The following SRGAP3 variants were observed in gnomAD, a reference collection of about 807,000 sequenced individuals.
SRGAP3 encodes SLIT-ROBO Rho GTPase activating protein 3, also known as SLIT-ROBO Rho GTPase-activating protein 3.
Under a neutral mutation model 121.1 loss-of-function variants are expected in SRGAP3, and 39 were observed. The ratio of observed to expected loss-of-function variants is 0.32; its 90% CI spans 0.25 to 0.42. The LOEUF (loss-of-function observed/expected upper bound fraction) is 0.42. Ranked by LOEUF, SRGAP3 falls within the 10% of genes least tolerant of loss-of-function variation. The probability of loss-of-function intolerance (pLI) is 1.00; values close to 1 mark genes in which losing one functional copy is unlikely to be tolerated. For missense variants in SRGAP3, 1,213 were observed against 1,470.6 expected (o/e 0.82, Z 2.86); for synonymous variants, 601 against 570.0 (o/e 1.05, Z -0.77).
chr3:9,256,482 T>C (rs1478830255), intron 3 of SRGAP3, among the ~76,000 whole-genome samples: 1 of 151,434 alleles, frequency 6.6e-6, no homozygotes, highest in Non-Finnish European at 1.5e-5. Flanking sequence ...TAGCTGGCCC[T>C]GTGGATATGC....
At chr3:9,054,974 T>C (rs1443797373) in intron 8 of SRGAP3, among the ~76,000 whole-genome samples, 1 of 152,234 alleles carries the variant, frequency 6.6e-6, no homozygotes, top group Non-Finnish European at 1.5e-5. Context: ...GGCTTCATTC[T>C]CCTTTCTTTG....
In SRGAP3 at chr3:9,032,658, A is replaced by G. The variant is rs76840093; in HGVS notation, c.1531T>C (p.Phe511Leu). Reference sequence around the variant, plus strand: ...GGCTCCCCAGCAAGTACCTTAATGAATGCTTCCATACTGCCGTTAAAGAGT... The same window carrying G: ...GGCTCCCCAGCAAGTACCTTAATGAGTGCTTCCATACTGCCGTTAAAGAGT... ...HKLFNGSMEA[F>L]IKDSGQAIPL... The change falls in exon 12 of 22, where the codon TTC (phenylalanine) becomes CTC (leucine). Residue 511 changes from phenylalanine to leucine, a missense_variant. Phe to Leu is a conservative substitution (Grantham distance 22, BLOSUM62 0). Around this residue, in one of 2 missense-constraint regions of SRGAP3, gnomAD observed 793 missense variants for 1,032.9 expected, o/e 0.77. Coordinates refer to ENST00000383836, the MANE Select transcript of SRGAP3 (RefSeq NM_014850.4). The G allele has an allele frequency of 4.4e-3, 7,110 of 1,613,056 alleles. 16 individuals are homozygous for G. The highest frequency in any genetic ancestry group is 5.6e-3 in the Non-Finnish European group (6,612 of 1,179,494).
chr3:9,348,569 C>T, intron 1 of SRGAP3: 1 of 804,934 alleles, frequency 1.2e-6, no homozygotes. Context: ...GTGTGGCAGG[C>T]AGGTGCTGTG....
intron 1 of SRGAP3, among the ~76,000 whole-genome samples, chr3:9,226,763 A>G (rs1953000425): frequency 6.6e-6 from 1 of 152,150 alleles, no homozygotes; most frequent in Admixed American, 6.5e-5. Flanking sequence ...CCATCCATTC[A>G]CAGCTACAAA....
intron 1 of SRGAP3, among the ~76,000 whole-genome samples, chr3:9,125,943 C>T (rs1282651360): frequency 6.6e-6 from 1 of 152,220 alleles, no homozygotes; most frequent in South Asian, 2.1e-4. Flanking sequence ...AATGGACTCT[C>T]CAAACCATTC....
At chr3:9,048,795 T>G (rs1480836379) in intron 9 of SRGAP3, among the ~76,000 whole-genome samples, 1 of 152,068 alleles carries the variant, frequency 6.6e-6, no homozygotes, top group Non-Finnish European at 1.5e-5. Context: ...CTGCACTCCA[T>G]CCTAAGCAAC....
intron 1 of SRGAP3, among the ~76,000 whole-genome samples, chr3:9,241,208 G>A (rs1953623929): frequency 6.6e-6 from 1 of 151,848 alleles, no homozygotes; most frequent in Admixed American, 6.6e-5. Flanking sequence ...CACAAAATTA[G>A]ATACTCCATA....
At chr3:9,167,431 C>T (rs1190335837) in intron 1 of SRGAP3, among the ~76,000 whole-genome samples, 1 of 151,476 alleles carries the variant, frequency 6.6e-6, no homozygotes, top group Non-Finnish European at 1.5e-5. Context: ...CTCTTCTCTA[C>T]CTATGTTCCC....
chr3:9,253,301 T>G (rs1443910699), upstream of SRGAP3, among the ~76,000 whole-genome samples: 1 of 152,160 alleles, frequency 6.6e-6, no homozygotes, highest in Non-Finnish European at 1.5e-5. Flanking sequence ...TAATAACCCA[T>G]TTTTTCATTC....
At chr3:9,328,928 C>A (rs1176380481) in intron 2 of SRGAP3, among the ~76,000 whole-genome samples, 1 of 152,026 alleles carries the variant, frequency 6.6e-6, no homozygotes, top group African/African-American at 2.4e-5. Context: ...AGGCGGAGAC[C>A]AAGAGAAAGT....
chr3:9,347,679 T>C (rs1413885595), intron 1 of SRGAP3, among the ~76,000 whole-genome samples: 1 of 152,244 alleles, frequency 6.6e-6, no homozygotes, highest in African/African-American at 2.4e-5. Context: ...ATCTGTACAA[T>C]TGATTCTGGT....
intron 1 of SRGAP3, among the ~76,000 whole-genome samples, chr3:9,145,601 T>C (rs1352482627): frequency 6.6e-6 from 1 of 152,204 alleles, no homozygotes; most frequent in African/African-American, 2.4e-5. Context: ...AGGAAAAGAA[T>C]GTACAACCCT....
intron 3 of SRGAP3, among the ~76,000 whole-genome samples, chr3:9,312,515 A>G (rs1955264266): frequency 6.6e-6 from 1 of 152,232 alleles, no homozygotes; most frequent in Admixed American, 6.5e-5. Flanking sequence ...GTCTAGCCAC[A>G]TGCTCAGGCC....
At chr3:9,060,159 C>A in intron 6 of SRGAP3, 72 bp downstream of exon 6, 1 of 1,610,296 alleles carries the variant, frequency 6.2e-7, no homozygotes, top group Non-Finnish European at 8.5e-7. Flanking sequence ...AGACCAGCCC[C>A]TCCTTCAGCC....
At chr3:8,987,668 A>C (rs1291312338) in intron 21 of SRGAP3, among the ~76,000 whole-genome samples, 4 of 123,242 alleles carry the variant, frequency 3.2e-5, no homozygotes, top group Non-Finnish European at 5.9e-5. Context: ...ATGTCTGGCT[A>C]ATGGCTAATA....
chr3:9,174,557 G>A (rs1178342781), intron 1 of SRGAP3, among the ~76,000 whole-genome samples: 2 of 152,196 alleles, frequency 1.3e-5, no homozygotes, highest in African/African-American at 4.8e-5. Context: ...CGACTTCATG[G>A]CAGGTGCTGC....
chr3:9,172,852 G>A (rs1951033512), intron 1 of SRGAP3, among the ~76,000 whole-genome samples: 1 of 152,252 alleles, frequency 6.6e-6, no homozygotes, highest in Non-Finnish European at 1.5e-5. Context: ...ATATGCCCTG[G>A]AAGGAGGCCC....
chr3:9,336,774 C>T (rs1476447420), intron 1 of SRGAP3, among the ~76,000 whole-genome samples: 1 of 152,128 alleles, frequency 6.6e-6, no homozygotes, highest in African/African-American at 2.4e-5. Flanking sequence ...TTACTTTAAA[C>T]AGCCTTGAAG....
chr3:9,128,963 G>A lies in SRGAP3; in HGVS notation c.68-4046C>T, dbSNP rs562040855. On this transcript the variant is annotated intron_variant, in intron 1 of 21. Transcript: ENST00000383836. ...AATACTGGAGATGTTCCACACCTTG[G>A]TGAGGGTGGAAGGGACACTGATAAA... 2.6e-5 allele frequency among the ~76,000 whole-genome samples: 4 copies of A among 152,352 alleles called. No individual in the cohort carries two copies. The South Asian group carries it at 6.2e-4, about 24-fold the overall frequency.
Sources: gnomAD v4.1 joint callset for allele counts (sites outside exome capture counted in the v4.1 genomes callset) on GRCh38, gnomAD v4.1.1 for gene constraint, gnomAD v4.1.1 regional missense constraint, MANE v1.5 for transcripts, NCBI Gene and HGNC (gene_info 2026-07-23, HGNC 2026-07-21) for gene names.